Variants in KCNA6 observed in about 807,000 individuals in gnomAD.
The protein encoded by KCNA6 is potassium voltage-gated channel subfamily A member 6, also known as human brain potassium channel-2.
A neutral mutation model predicts 29.5 loss-of-function variants in KCNA6; 17 were observed. That is an observed-to-expected ratio of 0.58 (90% CI 0.39 to 0.86). The LOEUF (loss-of-function observed/expected upper bound fraction) is 0.86. Among genes scored for constraint, KCNA6 ranks in the 40% least tolerant of loss-of-function variants. The pLI, the probability that KCNA6 is intolerant of heterozygous loss-of-function variation, is 0.00. For missense variants in KCNA6, 450 were observed against 703.4 expected, an observed-to-expected ratio of 0.64 and a Z score of 4.07; for synonymous variants, 296 against 304.7, an observed-to-expected ratio of 0.97 and a Z score of 0.30.
chr12:4,835,099 C>CT, the KCNA6 span, among the ~76,000 whole-genome samples: 127 of 71,074 alleles, frequency 1.8e-3, no homozygotes, highest in Non-Finnish European at 3.2e-3. Flanking sequence ...TAAATGCAAA[C>CT]TGAGTACTCC....
At chr12:4,834,842 A>G in the KCNA6 span, among the ~76,000 whole-genome samples, 1 of 152,166 alleles carries the variant, frequency 6.6e-6, no homozygotes, top group African/African-American at 2.4e-5. Context: ...TGAGAGAACA[A>G]GACCCAAAAG....
chr12:4,824,109 T>A, the KCNA6 span, among the ~76,000 whole-genome samples: 1 of 152,190 alleles, frequency 6.6e-6, no homozygotes, highest in Non-Finnish European at 1.5e-5. Flanking sequence ...AACTGGGCCA[T>A]TAATAGACAT....
At chr12:4,829,391 C>T in the KCNA6 span, among the ~76,000 whole-genome samples, 1 of 152,164 alleles carries the variant, frequency 6.6e-6, no homozygotes, top group Non-Finnish European at 1.5e-5. Context: ...AGGAGCTAAT[C>T]GACAAACTTT....
At chr12:4,849,746 C>T in the KCNA6 span, among the ~76,000 whole-genome samples, 2 of 152,200 alleles carry the variant, frequency 1.3e-5, no homozygotes, top group Non-Finnish European at 2.9e-5. Context: ...AAGTCTTTTC[C>T]TTCTGCAGAA....
At chr12:4,840,195 T>TTATCTATC in the KCNA6 span, among the ~76,000 whole-genome samples, 256 of 150,228 alleles carry the variant, frequency 1.7e-3, 1 homozygote, top group South Asian at 5.1e-3. Flanking sequence ...ATGATGATTA[T>TTATCTATC]TATCTATCTA....
At chr12:4,846,348 C>T in the KCNA6 span, among the ~76,000 whole-genome samples, 1 of 152,116 alleles carries the variant, frequency 6.6e-6, no homozygotes, top group Non-Finnish European at 1.5e-5. Context: ...CTTTCTTACA[C>T]TGCCCACCGT....
rs377751533 is a variant in KCNA6 at position 4,811,672 on chromosome 12, A to T, written c.*41A>T. 1 of 1,578,392 alleles carries T rather than the reference A, an allele frequency of 6.3e-7. No homozygotes were observed. On this transcript the variant is annotated 3_prime_UTR_variant, in exon 1 of 1. Transcript: ENST00000280684. This position sits in a 1 kb window ranked among gnomAD's most constrained non-coding sequence, Gnocchi z 7.1. ...CCTGCAGGAGGGGAGCACTGAGCTA[A>T]CAGTCTCTTAGGCTTCCTTCTCATT... is the stretch of plus-strand genomic sequence containing the variant.
At chr12:4,822,988 T>A in the KCNA6 span, among the ~76,000 whole-genome samples, 1 of 152,222 alleles carries the variant, frequency 6.6e-6, no homozygotes, top group Non-Finnish European at 1.5e-5. Flanking sequence ...ATTATTTCCT[T>A]GGGAAGGAGA....
At chr12:4,842,744 C>T in the KCNA6 span, 1,199 of 152,316 alleles carry the variant, frequency 7.9e-3, 10 homozygotes, top group Non-Finnish European at 0.011. Flanking sequence ...CACCAGGTTC[C>T]GCCCCCAACA....
rs1453265129 is a variant in KCNA6, at chr12:4,811,100, C to G, written c.1059C>G (p.Phe353Leu). The change falls in exon 1 of 1, where the codon TTC (phenylalanine) becomes TTG (leucine). Residue 353 changes from phenylalanine (F) to leucine (L), a missense_variant. Phe to Leu is a conservative substitution (Grantham distance 22). Around this residue, in one of 7 missense-constraint regions of KCNA6, gnomAD observed 12 missense variants for 64.4 expected, o/e 0.19. Transcript: ENST00000280684. The surrounding 1 kb of genome is among the most constrained non-coding windows in gnomAD (Gnocchi z 7.1). ...GCCTGGTCCGGGTGTTCCGCATCTT[C>G]AAGCTCTCCCGCCACTCCAAGGGGC... The G allele has an allele frequency of 6.2e-7, 1 of 1,612,800 alleles. No individual in the cohort carries two copies. Among genetic ancestry groups the G allele is most frequent in the South Asian group, 1.1e-5 (1 of 90,944 alleles).
Position 4,810,882 on chromosome 12 carries a change from C to T in KCNA6, c.841C>T (p.Arg281Cys). ...CTGGTTCACTTTTGAGCTCCTGGTG[C>T]GCTTCTCCGCCTGCCCTAGCAAGCC... Residue 281 changes from arginine to cysteine, a missense_variant, in exon 1 of 1, where the codon CGC (arginine) becomes TGC (cysteine). Transcript: ENST00000280684. This position sits in a 1 kb window ranked among gnomAD's most constrained non-coding sequence, Gnocchi z 7.5. The T allele has an allele frequency of 1.2e-6, 2 of 1,613,258 alleles. No individual in the cohort carries two copies. The highest frequency in any genetic ancestry group is 1.7e-6 in the Non-Finnish European group (2 of 1,179,552).
In KCNA6 at chr12:4,810,185, C is replaced by T; in HGVS notation, c.144C>T (p.Ser48=). The change falls in exon 1 of 1, where the codon TCC becomes TCT. Residue 48 remains serine, a synonymous_variant. Transcript: ENST00000280684. The surrounding 1 kb of genome is among the most constrained non-coding windows in gnomAD (Gnocchi z 7.5). ...GCGAGCGGCTGGTGATCAATATCTC[C>T]GGGCTGCGCTTTGAGACACAATTGC... 6.2e-7 allele frequency: 1 copy of T among 1,612,666 alleles called. No individual in the cohort carries two copies. Among genetic ancestry groups the T allele is most frequent in the Non-Finnish European group, 8.5e-7 (1 of 1,179,650 alleles).
At chr12:4,844,892 A>G in the KCNA6 span, among the ~76,000 whole-genome samples, 29 of 151,994 alleles carry the variant, frequency 1.9e-4, no homozygotes, top group Non-Finnish European at 3.5e-4. The surrounding 1 kb of genome is among the most constrained non-coding windows in gnomAD (Gnocchi z 4.0). Flanking sequence ...TAATTGCCTC[A>G]TTTTCTTCAC....
the KCNA6 span, among the ~76,000 whole-genome samples, chr12:4,824,892 C>G: frequency 2.6e-5 from 4 of 152,176 alleles, no homozygotes; most frequent in Admixed American, 2.6e-4. Context: ...CAGCTGAACT[C>G]ACTTAATATA....
At chr12:4,833,256 G>A in the KCNA6 span, among the ~76,000 whole-genome samples, 2 of 152,136 alleles carry the variant, frequency 1.3e-5, no homozygotes, top group Non-Finnish European at 2.9e-5. Context: ...GCTCAGCTGG[G>A]CAGCTCTTCT....
At chr12:4,813,258 A>G (rs1946650199) in exon 1 of KCNA6, 2 of 167,012 alleles carry the variant, frequency 1.2e-5, no homozygotes, top group Admixed American at 1.3e-4. Flanking sequence ...TTTACAGGGT[A>G]ACTTGGGTCC....
At chr12:4,840,180 C>A in the KCNA6 span, among the ~76,000 whole-genome samples, 5 of 79,090 alleles carry the variant, frequency 6.3e-5, no homozygotes, top group African/African-American at 2.2e-4. Context: ...GTTTGCATTT[C>A]ATTGATGATG....
chr12:4,848,637 C>T, the KCNA6 span, among the ~76,000 whole-genome samples: 8 of 152,016 alleles, frequency 5.3e-5, no homozygotes, highest in African/African-American at 1.4e-4. Flanking sequence ...CAGGTTCAAA[C>T]GATTCTCCTG....
At chr12:4,834,656 T>A in the KCNA6 span, among the ~76,000 whole-genome samples, 6 of 152,086 alleles carry the variant, frequency 3.9e-5, no homozygotes, top group African/African-American at 1.4e-4. Flanking sequence ...GGCAGCAAGG[T>A]ACCACTTTAT....
Sources: gnomAD v4.1 joint callset for allele counts (sites outside exome capture counted in the v4.1 genomes callset) on GRCh38, gnomAD v4.1.1 for gene constraint, gnomAD v4.1.1 regional missense constraint, Gnocchi (gnomAD v3.1) non-coding constraint, MANE v1.5 for transcripts, NCBI Gene and HGNC (gene_info 2026-07-23, HGNC 2026-07-21) for gene names.